The following CACHD1 variants were observed in gnomAD, a reference collection of about 807,000 sequenced individuals.
The protein encoded by CACHD1 is cache domain containing 1, also known as VWFA and cache domain-containing protein 1.
CACHD1 carries 71 observed loss-of-function variants against 138.7 expected under a neutral mutation model. The observed-to-expected ratio is 0.51, with a 90% CI of 0.42 to 0.62. CACHD1 has a LOEUF of 0.62. Ranked by LOEUF, CACHD1 falls within the 20% of genes least tolerant of loss-of-function variation. The pLI is 0.00. For synonymous variants in CACHD1, 578 were observed against 591.5 expected, an observed-to-expected ratio of 0.98 and a Z score of 0.33; for missense variants, 1,389 against 1,625.3, an observed-to-expected ratio of 0.85 and a Z score of 2.50.
chr1:64,676,084 G>C (rs748325125), intron 21 of CACHD1, 101 bp downstream of exon 21: 66 of 435,924 alleles, frequency 1.5e-4, no homozygotes, highest in Non-Finnish European at 2.3e-4. Flanking sequence ...TTTTGAGTTA[G>C]GGCGTATAAA....
At chr1:64,662,514 G>A (rs1353143575) in intron 13 of CACHD1, among the ~76,000 whole-genome samples, 4 of 152,120 alleles carry the variant, frequency 2.6e-5, no homozygotes, top group Admixed American at 1.3e-4. Context: ...TACTTTTTAA[G>A]TGCAATGTCC....
At chr1:64,518,106 T>G (rs1176799762) in intron 1 of CACHD1, among the ~76,000 whole-genome samples, 1 of 152,154 alleles carries the variant, frequency 6.6e-6, no homozygotes. Context: ...TTTCTAAATG[T>G]TTGTATCTCC....
At position 64,691,660 on chromosome 1, in the gene CACHD1, T is replaced by TG; in HGVS notation, c.*100dup. Reference sequence around the variant, plus strand: ...AAAACCCACAGCAAGAGACCTCCCTTGTGTTTGTGCTTTGTGCAGAGTTGT... The same window carrying TG: ...AAAACCCACAGCAAGAGACCTCCCTTGGTGTTTGTGCTTTGTGCAGAGTTGT... On this transcript the variant is annotated 3_prime_UTR_variant, in exon 27 of 27. Coordinates refer to ENST00000651257, the MANE Select transcript of CACHD1 (RefSeq NM_020925.4). 9.4e-7 allele frequency: 1 copy of TG among 1,066,234 alleles called. No individual in the cohort carries two copies. The highest frequency in any genetic ancestry group is 1.4e-6 in the Non-Finnish European group (1 of 718,546). The allele number at this position is 1,066,234 out of a possible 1,614,324, so 66.0% of individuals were successfully genotyped here. A position where few individuals can be genotyped will look rare whatever the true frequency, so the allele number is the denominator to read the frequency against.
chr1:64,557,211 G>T (rs1032789747), intron 2 of CACHD1, among the ~76,000 whole-genome samples: 5 of 151,992 alleles, frequency 3.3e-5, no homozygotes, highest in African/African-American at 4.8e-5. Context: ...CTGAGCAAAT[G>T]CCTCAGAAAG....
chr1:64,591,801 C>T (rs1647108748), intron 3 of CACHD1, among the ~76,000 whole-genome samples: 1 of 152,142 alleles, frequency 6.6e-6, no homozygotes, highest in African/African-American at 2.4e-5. Context: ...CATAGGTGGC[C>T]AAAGTTGATT....
intron 2 of CACHD1, among the ~76,000 whole-genome samples, chr1:64,551,366 C>T (rs565014391): frequency 1.1e-4 from 17 of 151,912 alleles, no homozygotes; most frequent in African/African-American, 3.1e-4. Context: ...TGAACCTGGT[C>T]GTAAATAATT....
intron 3 of CACHD1, among the ~76,000 whole-genome samples, chr1:64,588,683 C>T (rs949286410): frequency 6.6e-6 from 1 of 152,088 alleles, no homozygotes; most frequent in Non-Finnish European, 1.5e-5. Context: ...GGGCCCAGAT[C>T]AATACTTTTA....
chr1:64,553,522 C>T (rs1026189127), intron 2 of CACHD1, among the ~76,000 whole-genome samples: 8 of 152,278 alleles, frequency 5.3e-5, no homozygotes, highest in African/African-American at 1.7e-4. Context: ...AGAAAGGCCA[C>T]GGATCCCAGC....
intron 3 of CACHD1, among the ~76,000 whole-genome samples, chr1:64,586,175 C>T (rs1006379306): frequency 5.3e-5 from 8 of 152,178 alleles, no homozygotes; most frequent in African/African-American, 1.4e-4. Flanking sequence ...GCGCTTCTCA[C>T]GCCTCAGTCT....
At position 64,533,040 on chromosome 1, in the gene CACHD1, G is replaced by T. The variant is rs115099536; in HGVS notation, c.199-17554G>T. Among the ~76,000 whole-genome samples the T allele has an allele frequency of 2.6e-3, 401 of 152,124 alleles. 1 individual carries two copies. Among genetic ancestry groups the T allele is most frequent in the Non-Finnish European group, 4.4e-3 (298 of 68,014 alleles). ...AATTACTTGAATATGTGAGGCTGGA[G>T]TTCCCAACAGAGCCCCAAAGAGGGG... On this transcript the variant is annotated intron_variant, in intron 1 of 26. Coordinates refer to ENST00000651257, the MANE Select transcript of CACHD1 (RefSeq NM_020925.4).
At chr1:64,652,089 G>A (rs1279346751) in intron 9 of CACHD1, 72 bp from the exon 10 acceptor site, 6 of 1,336,726 alleles carry the variant, frequency 4.5e-6, no homozygotes, top group Middle Eastern at 1.9e-4. Context: ...ATGATTCACC[G>A]GAGCACAGTT....
At chr1:64,505,306 A>C (rs1646363657) in intron 1 of CACHD1, among the ~76,000 whole-genome samples, 1 of 151,796 alleles carries the variant, frequency 6.6e-6, no homozygotes, top group African/African-American at 2.4e-5. Context: ...CAGCCCCGGG[A>C]GCCACAGGCA....
At chr1:64,572,955 TCC>T (rs1646937920) in intron 2 of CACHD1, among the ~76,000 whole-genome samples, 2 of 152,228 alleles carry the variant, frequency 1.3e-5, no homozygotes, top group Non-Finnish European at 2.9e-5. Context: ...CTGTATCGTT[TCC>T]TGCCATGCCC....
intron 1 of CACHD1, among the ~76,000 whole-genome samples, chr1:64,544,603 A>AAC (rs1177379832): frequency 6.6e-6 from 1 of 151,070 alleles, no homozygotes; most frequent in African/African-American, 2.4e-5. Context: ...CGTGCGCACA[A>AAC]ACACACACAC....
intron 25 of CACHD1, 147 bp downstream of exon 25, chr1:64,681,482 T>C: frequency 1.8e-6 from 1 of 562,084 alleles, no homozygotes; most frequent in Non-Finnish European, 3.1e-6. Flanking sequence ...TTTTCCATCC[T>C]TTTTTGTTAG....
At chr1:64,679,473 A>G in intron 23 of CACHD1, 122 bp from the exon 24 acceptor site, 2 of 1,041,136 alleles carry the variant, frequency 1.9e-6, no homozygotes, top group South Asian at 3.0e-5. Context: ...AAGCCTAACT[A>G]AGCATCTGTT....
At chr1:64,643,567 T>C (rs1190538279) in intron 8 of CACHD1, among the ~76,000 whole-genome samples, 2 of 152,210 alleles carry the variant, frequency 1.3e-5, no homozygotes, top group African/African-American at 2.4e-5. Context: ...CCGAGCTCGG[T>C]GGCTCATGCC....
At chr1:64,476,500 A>C (rs191511387) in intron 1 of CACHD1, among the ~76,000 whole-genome samples, 3 of 152,372 alleles carry the variant, frequency 2.0e-5, no homozygotes, top group Admixed American at 1.3e-4. Context: ...TATGCAAATA[A>C]TGTGATTTGA....
Position 64,633,110 on chromosome 1 carries a change from C to T in CACHD1, c.789+367C>T, listed in dbSNP as rs12239355. ...GCATGGCTGACTGGGAGCTGCGGCT[C>T]GCTGCCATTGTCCAGCACCATGAGA... On this transcript the variant is annotated intron_variant, in intron 6 of 26. Coordinates refer to ENST00000651257, the MANE Select transcript of CACHD1 (RefSeq NM_020925.4). 2.5e-3 allele frequency among the ~76,000 whole-genome samples: 377 copies of T among 152,260 alleles called. 2 individuals carry two copies. Among genetic ancestry groups the T allele is most frequent in the African/African-American group, 8.5e-3 (355 of 41,544 alleles).
Sources: gnomAD v4.1 joint callset for allele counts (sites outside exome capture counted in the v4.1 genomes callset) on GRCh38, gnomAD v4.1.1 for gene constraint, MANE v1.5 for transcripts, NCBI Gene and HGNC (gene_info 2026-07-23, HGNC 2026-07-21) for gene names.